Variants in NDUFAF2 observed in about 807,000 individuals in gnomAD.
NDUFAF2 encodes NADH dehydrogenase [ubiquinone] 1 alpha subcomplex assembly factor 2.
In NDUFAF2, 13 loss-of-function variants were observed where a neutral mutation model predicts 22.8. The observed-to-expected ratio is 0.57, with a 90% CI of 0.37 to 0.91. NDUFAF2 has a LOEUF of 0.91. Among genes scored for constraint, NDUFAF2 ranks in the 40% least tolerant of loss-of-function variants. The pLI, the probability that NDUFAF2 is intolerant of heterozygous loss-of-function variation, is 0.01. For missense variants in NDUFAF2, 162 were observed against 195.2 expected (o/e 0.83, Z 1.01); for synonymous variants, 53 against 64.2 (o/e 0.83, Z 0.84).
intron 2 of NDUFAF2, among the ~76,000 whole-genome samples, chr5:61,078,224 G>A (rs1388198960): frequency 6.6e-6 from 1 of 151,494 alleles, no homozygotes; most frequent in Non-Finnish European, 1.5e-5. Context: ...TTTAGAATAG[G>A]ATCCTTACCT....
intron 1 of NDUFAF2, among the ~76,000 whole-genome samples, chr5:60,971,286 C>CT (rs70977817): frequency 0.6 from 86,225 of 144,272 alleles, 26,203 homozygotes; most frequent in East Asian, 0.94. Context: ...TTCTTTCTTT[C>CT]TTTTTTTTTT....
intron 1 of NDUFAF2, among the ~76,000 whole-genome samples, chr5:61,055,110 A>G (rs1752071972): frequency 6.6e-6 from 1 of 152,224 alleles, no homozygotes; most frequent in Non-Finnish European, 1.5e-5. Context: ...AAATATATAT[A>G]GTATTGCTTT....
At chr5:61,061,251 C>G (rs186095623) in intron 1 of NDUFAF2, among the ~76,000 whole-genome samples, 1 of 152,230 alleles carries the variant, frequency 6.6e-6, no homozygotes, top group Admixed American at 6.5e-5. Flanking sequence ...TTTATCAGAA[C>G]TAGTCATGAT....
At chr5:61,125,018 G>A (rs1753018348) in intron 3 of NDUFAF2, among the ~76,000 whole-genome samples, 1 of 151,852 alleles carries the variant, frequency 6.6e-6, no homozygotes, top group African/African-American at 2.4e-5. Flanking sequence ...GATTTTGTGA[G>A]AACTCACTCA....
chr5:61,055,467 A>G (rs1225124768), intron 1 of NDUFAF2, among the ~76,000 whole-genome samples: 1 of 152,226 alleles, frequency 6.6e-6, no homozygotes, highest in Non-Finnish European at 1.5e-5. Context: ...TGTATATGAG[A>G]AAAACACTTT....
intron 1 of NDUFAF2, among the ~76,000 whole-genome samples, chr5:60,959,247 A>C (rs1269044666): frequency 6.6e-6 from 1 of 152,070 alleles, no homozygotes; most frequent in Non-Finnish European, 1.5e-5. Context: ...AATTATGAAG[A>C]CATTTCAGAT....
intron 1 of NDUFAF2, among the ~76,000 whole-genome samples, chr5:61,030,981 T>A (rs1477159232): frequency 6.6e-6 from 1 of 152,254 alleles, no homozygotes; most frequent in East Asian, 1.9e-4. Flanking sequence ...TTTTGTTAAC[T>A]TTTTTCTCTG....
At chr5:61,024,623 T>C (rs1046393796) in intron 1 of NDUFAF2, among the ~76,000 whole-genome samples, 1 of 152,062 alleles carries the variant, frequency 6.6e-6, no homozygotes, top group African/African-American at 2.4e-5. Flanking sequence ...ATCACATAGT[T>C]AGCACATGGC....
intron 1 of NDUFAF2, among the ~76,000 whole-genome samples, chr5:60,971,533 C>T (rs559625367): frequency 1.5e-4 from 23 of 151,978 alleles, no homozygotes; most frequent in Admixed American, 3.9e-4. Context: ...GTGATCCGCC[C>T]GCCTCGGCCT....
At chr5:61,068,606 G>A (rs926736356) in intron 1 of NDUFAF2, among the ~76,000 whole-genome samples, 3 of 151,884 alleles carry the variant, frequency 2.0e-5, no homozygotes, top group Non-Finnish European at 4.4e-5. Context: ...CGCGCTTACA[G>A]GTCATTTTTA....
At chr5:61,054,794 A>G (rs1041243840) in intron 1 of NDUFAF2, among the ~76,000 whole-genome samples, 6 of 152,224 alleles carry the variant, frequency 3.9e-5, no homozygotes, top group Admixed American at 3.3e-4. Context: ...AGGAAGATAC[A>G]GAACTCTGTG....
At chr5:61,136,049 TG>T (rs1740933439) in intron 3 of NDUFAF2, among the ~76,000 whole-genome samples, 1 of 97,956 alleles carries the variant, frequency 1.0e-5, no homozygotes, top group Non-Finnish European at 2.1e-5. Flanking sequence ...ATATCTAGGG[TG>T]GATTGCTTTT....
intron 1 of NDUFAF2, among the ~76,000 whole-genome samples, chr5:61,028,073 A>G (rs879653636): frequency 2.6e-5 from 4 of 152,058 alleles, no homozygotes; most frequent in Admixed American, 2.6e-4. Context: ...GAAATGTGCA[A>G]AACTTACAGT....
chr5:61,073,671 A>G (rs1752330854), intron 2 of NDUFAF2, among the ~76,000 whole-genome samples: 1 of 152,232 alleles, frequency 6.6e-6, no homozygotes, highest in African/African-American at 2.4e-5. Flanking sequence ...TTCAACTCAC[A>G]ATAACTCTAT....
At chr5:60,983,752 T>A (rs1751026236) in intron 1 of NDUFAF2, among the ~76,000 whole-genome samples, 1 of 150,974 alleles carries the variant, frequency 6.6e-6, no homozygotes, top group Admixed American at 6.6e-5. Context: ...TCTGTTCCAT[T>A]GGTCTATATC....
At chr5:60,986,989 C>G (rs1358037795) in intron 1 of NDUFAF2, among the ~76,000 whole-genome samples, 1 of 148,360 alleles carries the variant, frequency 6.7e-6, no homozygotes, top group Non-Finnish European at 1.5e-5. Flanking sequence ...ACCAATGAAT[C>G]CAGGAGATAG....
At chr5:60,972,607 A>G (rs1241087177) in intron 1 of NDUFAF2, among the ~76,000 whole-genome samples, 1 of 152,120 alleles carries the variant, frequency 6.6e-6, no homozygotes, top group Non-Finnish European at 1.5e-5. Flanking sequence ...GTATTCCTTC[A>G]TAGCAGTGTG....
rs749541428 is a variant in NDUFAF2 at position 61,073,203 on chromosome 5, C to T, written c.206C>T (p.Thr69Ile). The T allele has an allele frequency of 1.2e-6, 2 of 1,610,528 alleles. No individual in the cohort carries two copies. The highest frequency in any genetic ancestry group is 1.7e-6 in the Non-Finnish European group (2 of 1,176,934). ...GACTATGAAGCAGGGGATATTCCAA[C>T]AGAATGGGAAGGTAAGTTTCTGCTT... ...EVDYEAGDIP[T>I]EWEAWIRRTR... The change falls in exon 2 of 4, where the codon ACA (threonine) becomes ATA (isoleucine). Residue 69 changes from threonine (T) to isoleucine (I), a missense_variant. Thr to Ile is a moderately conservative substitution (Grantham distance 89). Transcript: ENST00000296597.
At chr5:60,976,200 A>T (rs1182544221) in intron 1 of NDUFAF2, among the ~76,000 whole-genome samples, 1 of 152,176 alleles carries the variant, frequency 6.6e-6, no homozygotes, top group African/African-American at 2.4e-5. Context: ...TAAAGAACAC[A>T]TTACTAGATG....
Sources: allele counts gnomAD v4.1 joint callset (sites outside exome capture counted in the v4.1 genomes callset), GRCh38; gene constraint gnomAD v4.1.1; transcripts MANE v1.5; gene names NCBI Gene and HGNC (gene_info 2026-07-23, HGNC 2026-07-21).